Variants in GNA12 observed in about 807,000 individuals in gnomAD.
The protein encoded by GNA12 is G protein subunit alpha 12, also known as guanine nucleotide-binding protein subunit alpha-12.
GNA12 carries 9 observed loss-of-function variants against 26.0 expected under a neutral mutation model. The observed-to-expected ratio is 0.35, with a 90% CI of 0.21 to 0.60. The LOEUF is 0.60. Among genes scored for constraint, GNA12 ranks in the 20% least tolerant of loss-of-function variants. The pLI is 0.78. For synonymous variants in GNA12, 264 were observed against 219.6 expected (o/e 1.20, Z -1.79); for missense variants, 405 against 525.8 (o/e 0.77, Z 2.25).
chr7:2,767,225 A>G (rs1304308540), intron 2 of GNA12, among the ~76,000 whole-genome samples: 3 of 152,208 alleles, frequency 2.0e-5, no homozygotes, highest in African/African-American at 7.2e-5. Flanking sequence ...TGTACCCACA[A>G]AAATGTTTAC....
chr7:2,804,937 A>G (rs566905330), intron 1 of GNA12, among the ~76,000 whole-genome samples: 1 of 152,000 alleles, frequency 6.6e-6, no homozygotes, highest in South Asian at 2.1e-4. Context: ...GAGGATACGC[A>G]GCTAATGTTC....
chr7:2,805,830 C>T (rs912606336), intron 1 of GNA12, among the ~76,000 whole-genome samples: 4 of 152,174 alleles, frequency 2.6e-5, no homozygotes, highest in South Asian at 2.1e-4. Flanking sequence ...CACTCATCTA[C>T]GCTATCTTGG....
chr7:2,750,499 T>C (rs1790981334), intron 2 of GNA12, among the ~76,000 whole-genome samples: 1 of 152,248 alleles, frequency 6.6e-6, no homozygotes, highest in Non-Finnish European at 1.5e-5. Context: ...CCTTTACACA[T>C]GTACCTATGG....
At chr7:2,790,200 T>C (rs775300922) in intron 2 of GNA12, among the ~76,000 whole-genome samples, 2 of 152,226 alleles carry the variant, frequency 1.3e-5, no homozygotes, top group African/African-American at 2.4e-5. Flanking sequence ...TCCTGCCGGA[T>C]AGAATTGTCT....
intron 2 of GNA12, among the ~76,000 whole-genome samples, chr7:2,784,953 A>ACATTTTTACCCTGGGC (rs1792321728): frequency 6.6e-6 from 1 of 152,160 alleles, no homozygotes; most frequent in African/African-American, 2.4e-5. Context: ...ATTACATCAC[A>ACATTTTTACCCTGGGC]CATTTTTACC....
At position 2,762,293 on chromosome 7, in the gene GNA12, C is replaced by T. The variant is rs981012095; in HGVS notation, c.526-28792G>A. ...TCACAGAAGGTGCACATGGCGGGGC[C>T]GGCGTGCACCCACCACTCACGCCAG... On this transcript the variant is annotated intron_variant, in intron 2 of 3. Transcript: ENST00000275364. The T allele has an allele frequency of 9.2e-5, 24 of 260,350 alleles. 1 individual carries two copies. Among genetic ancestry groups the T allele is most frequent in the African/African-American group, 4.4e-4 (20 of 45,486 alleles). 16.1% of individuals were successfully genotyped at this position (260,350 alleles called of 1,614,324 possible).
chr7:2,810,433 G>A (rs895153381), intron 1 of GNA12, among the ~76,000 whole-genome samples: 3 of 152,260 alleles, frequency 2.0e-5, no homozygotes, highest in African/African-American at 7.2e-5. Context: ...TTTTGAGATG[G>A]ACACATTCAG....
At chr7:2,766,584 C>G (rs576284404) in intron 2 of GNA12, among the ~76,000 whole-genome samples, 1 of 152,192 alleles carries the variant, frequency 6.6e-6, no homozygotes, top group African/African-American at 2.4e-5. Flanking sequence ...CAGGGTTTCA[C>G]CATGTTGGCC....
chr7:2,799,680 A>AT (rs1375751493), intron 1 of GNA12, among the ~76,000 whole-genome samples: 1 of 152,102 alleles, frequency 6.6e-6, no homozygotes, highest in Admixed American at 6.5e-5. Context: ...GAAAAAAAAA[A>AT]TTTTTTAAAG....
chr7:2,746,422 G>T (rs1005174660), intron 2 of GNA12, among the ~76,000 whole-genome samples: 14 of 151,994 alleles, frequency 9.2e-5, no homozygotes, highest in Non-Finnish European at 2.1e-4. Context: ...ATGACTACTG[G>T]GTACATAATG....
intron 2 of GNA12, among the ~76,000 whole-genome samples, chr7:2,768,375 G>A (rs572453504): frequency 3.3e-5 from 5 of 152,272 alleles, no homozygotes; most frequent in African/African-American, 1.2e-4. Flanking sequence ...AAGATCAGTA[G>A]CCTTCCTTTT....
At chr7:2,825,596 T>C (rs1175906022) in intron 1 of GNA12, among the ~76,000 whole-genome samples, 1 of 152,208 alleles carries the variant, frequency 6.6e-6, no homozygotes, top group East Asian at 1.9e-4. Context: ...ATCATACAGC[T>C]ACTGTGGTCA....
rs541156771 is a variant in GNA12, at chr7:2,734,925, G to A, written c.526-1424C>T. Among the ~76,000 whole-genome samples the A allele has an allele frequency of 3.9e-5, 6 of 152,228 alleles. No individual in the cohort carries two copies. In the South Asian group the frequency reaches 6.2e-4, roughly 16 times the overall value. ...CAGGGTGAACGTACCCCAAGGGCCC[G>A]GCACGACTGACCTCTCGTGCCTGCT... On this transcript the variant is annotated intron_variant, in intron 2 of 3. Coordinates refer to ENST00000275364, the MANE Select transcript of GNA12 (RefSeq NM_007353.3).
At chr7:2,814,260 G>C (rs919498579) in intron 1 of GNA12, 2 of 919,500 alleles carry the variant, frequency 2.2e-6, no homozygotes, top group Non-Finnish European at 3.7e-6. Flanking sequence ...GGAGAATCCT[G>C]ACTGAGATCA....
chr7:2,741,144 C>T (rs982991852), intron 2 of GNA12, among the ~76,000 whole-genome samples: 1 of 152,102 alleles, frequency 6.6e-6, no homozygotes, highest in African/African-American at 2.4e-5. Context: ...GAAAAATGAG[C>T]TAGAAAGAAA....
chr7:2,759,002 T>C (rs1400599455), intron 2 of GNA12, among the ~76,000 whole-genome samples: 1 of 150,812 alleles, frequency 6.6e-6, no homozygotes, highest in Non-Finnish European at 1.5e-5. Flanking sequence ...TAGCGGGGCG[T>C]GGTGGTGGGC....
At position 2,818,257 on chromosome 7, in the gene GNA12, G is replaced by A. The variant is rs141000977; in HGVS notation, c.310-23114C>T. ...ACATCAGTACTGACATCTGGGGGCTGGGGAATTCTGTTTTGGAGCGCCTCA... is the reference window on the plus strand; with the variant it reads ...ACATCAGTACTGACATCTGGGGGCTAGGGAATTCTGTTTTGGAGCGCCTCA... On this transcript the variant is annotated intron_variant, in intron 1 of 3. Transcript: ENST00000275364. Among the ~76,000 whole-genome samples, 736 of 152,254 alleles carry A rather than the reference G, an allele frequency of 4.8e-3. 7 individuals are homozygous for A. Among genetic ancestry groups the A allele is most frequent in the African/African-American group, 0.016 (682 of 41,548 alleles).
intron 2 of GNA12, among the ~76,000 whole-genome samples, chr7:2,756,715 C>T (rs1791315664): frequency 6.6e-6 from 1 of 152,210 alleles, no homozygotes; most frequent in Non-Finnish European, 1.5e-5. Flanking sequence ...ATGACAGACG[C>T]CCCTGTCTTT....
chr7:2,741,311 C>T (rs921405211), intron 2 of GNA12, among the ~76,000 whole-genome samples: 1 of 151,006 alleles, frequency 6.6e-6, no homozygotes. Flanking sequence ...GCCATGATTG[C>T]GCCACTGCAC....
Sources: gnomAD v4.1 joint callset for allele counts (sites outside exome capture counted in the v4.1 genomes callset) on GRCh38, gnomAD v4.1.1 for gene constraint, MANE v1.5 for transcripts, NCBI Gene and HGNC (gene_info 2026-07-23, HGNC 2026-07-21) for gene names.